Variants in AIG1 observed in about 807,000 individuals in gnomAD.
The protein encoded by AIG1 is androgen-induced gene 1 protein.
A neutral mutation model predicts 31.4 loss-of-function variants in AIG1; 23 were observed. The observed-to-expected ratio is 0.73, with a 90% CI of 0.53 to 1.04. AIG1 has a LOEUF of 1.04. Among genes scored for constraint, AIG1 ranks in the 50% least tolerant of loss-of-function variants. The probability of loss-of-function intolerance (pLI) is 0.00; values close to 1 mark genes in which losing one functional copy is unlikely to be tolerated. For synonymous variants in AIG1, 100 were observed against 110.5 expected, an observed-to-expected ratio of 0.90 and a Z score of 0.60; for missense variants, 274 against 295.0, an observed-to-expected ratio of 0.93 and a Z score of 0.52.
At chr6:143,071,681 C>G (rs899542848) in intron 1 of AIG1, among the ~76,000 whole-genome samples, 2 of 150,782 alleles carry the variant, frequency 1.3e-5, no homozygotes, top group Non-Finnish European at 3.0e-5. Context: ...AGTGGTGGTT[C>G]TTTTTTTGTT....
chr6:143,176,073 T>C (rs1395167707), intron 3 of AIG1, among the ~76,000 whole-genome samples: 1 of 152,210 alleles, frequency 6.6e-6, no homozygotes, highest in Non-Finnish European at 1.5e-5. Context: ...GATTGTTATT[T>C]ATCTTCTGGA....
chr6:143,074,761 A>G (rs901394630), intron 1 of AIG1, among the ~76,000 whole-genome samples: 2 of 152,136 alleles, frequency 1.3e-5, no homozygotes, highest in Non-Finnish European at 2.9e-5. Flanking sequence ...GCTGGATTTA[A>G]TTTGCTAATA....
At chr6:143,162,798 G>T (rs544752119) in intron 2 of AIG1, among the ~76,000 whole-genome samples, 1 of 152,258 alleles carries the variant, frequency 6.6e-6, no homozygotes, top group East Asian at 1.9e-4. Flanking sequence ...GGGTCAGACT[G>T]GGGGAGGAGG....
rs756372275 is a variant in AIG1, at chr6:143,189,969, G to A, written c.399+24786G>A. 2.2e-4 allele frequency: 109 copies of A among 499,966 alleles called. 1 individual carries two copies. The highest frequency in any genetic ancestry group is 2.6e-4 in the Non-Finnish European group (100 of 386,894). The allele number at this position is 499,966 out of a possible 1,614,324, so 31.0% of individuals were successfully genotyped here. ...GGGTTCTGATGAGGATCCTCTTCCA[G>A]ATTACAGACTTCCAGCTTCTTGCTG... On this transcript the variant is annotated intron_variant, in intron 3 of 5. Coordinates refer to ENST00000357847, the MANE Select transcript of AIG1 (RefSeq NM_016108.4).
At position 143,338,950 on chromosome 6, in the gene AIG1, A is replaced by G. The variant is rs546663595; in HGVS notation, c.680-689A>G. On this transcript the variant is annotated intron_variant, in intron 5 of 5. Coordinates refer to ENST00000357847, the MANE Select transcript of AIG1 (RefSeq NM_016108.4). The surrounding 1 kb of genome is among the most constrained non-coding windows in gnomAD (Gnocchi z 4.3). ...ACTATAATTCCTAAAAATGATGAAC[A>G]TTTTCATCTTCAGGAACATGAAACA... The G allele has an allele frequency of 6.6e-6, 1 of 152,250 alleles. No individual in the cohort carries two copies. Among genetic ancestry groups the G allele is most frequent in the South Asian group, 2.1e-4 (1 of 4,812 alleles). The allele number at this position is 152,250 out of a possible 1,614,324, so 9.4% of individuals were successfully genotyped here.
chr6:143,089,735 A>G (rs1779131852), intron 1 of AIG1, among the ~76,000 whole-genome samples: 1 of 152,110 alleles, frequency 6.6e-6, no homozygotes, highest in African/African-American at 2.4e-5. Context: ...CAAGAGAGAG[A>G]GGAGAGGTGC....
At chr6:143,332,902 G>A (rs1463855971) in intron 4 of AIG1, among the ~76,000 whole-genome samples, 1 of 152,124 alleles carries the variant, frequency 6.6e-6, no homozygotes, top group Non-Finnish European at 1.5e-5. Flanking sequence ...ATGGGGTCCT[G>A]GATTGGATCC....
chr6:143,102,757 A>G (rs1012690881), intron 1 of AIG1, among the ~76,000 whole-genome samples: 6 of 151,962 alleles, frequency 3.9e-5, no homozygotes, highest in African/African-American at 1.4e-4. Flanking sequence ...TAATAAAATT[A>G]AAAAGTTAGT....
rs74883597 is a variant in AIG1 at position 143,198,252 on chromosome 6, A to G, written c.399+33069A>G. 1.8e-3 allele frequency among the ~76,000 whole-genome samples: 280 copies of G among 152,296 alleles called. 2 individuals carry two copies. In the East Asian group the frequency reaches 0.024, roughly 13 times the overall value. On this transcript the variant is annotated intron_variant, in intron 3 of 5. Coordinates refer to ENST00000357847, the MANE Select transcript of AIG1 (RefSeq NM_016108.4). ...GTCATATACTTTAAATAACTTCTTC[A>G]TAGCTAGGAGGTGGCGAGGGAAAAT...
intron 3 of AIG1, among the ~76,000 whole-genome samples, chr6:143,184,474 C>T (rs1052421434): frequency 1.3e-5 from 2 of 152,212 alleles, no homozygotes; most frequent in African/African-American, 2.4e-5. Context: ...GCTAACCCCT[C>T]CTTTAAATCT....
At chr6:143,304,022 CTGTT>C (rs1424302099) in intron 4 of AIG1, among the ~76,000 whole-genome samples, 3 of 146,550 alleles carry the variant, frequency 2.0e-5, no homozygotes, top group African/African-American at 7.4e-5. Context: ...ATTTGGCTCT[CTGTT>C]TGTCTGTTAT....
At chr6:143,109,394 C>G (rs545002783) in intron 1 of AIG1, among the ~76,000 whole-genome samples, 15 of 152,286 alleles carry the variant, frequency 9.8e-5, no homozygotes, top group South Asian at 4.1e-4. Flanking sequence ...AAGAGACTTA[C>G]TGGGTTATAG....
rs116172079 is a variant in AIG1 at position 143,115,707 on chromosome 6, G to A, written c.142-21128G>A. ...TCTGCATGAGAAGCACCAAGCAAAG[G>A]TCTTGGCACATAGTAAGCACCTGTA... is the stretch of plus-strand genomic sequence containing the variant. On this transcript the variant is annotated intron_variant, in intron 1 of 5. Transcript: ENST00000357847. Among the ~76,000 whole-genome samples, 1,118 of 152,284 alleles carry A rather than the reference G, an allele frequency of 7.3e-3. 12 individuals carry two copies. Among genetic ancestry groups the A allele is most frequent in the African/African-American group, 0.023 (950 of 41,546 alleles).
downstream of AIG1, chr6:143,342,401 G>A: frequency 1.4e-6 from 1 of 716,430 alleles, no homozygotes; most frequent in Non-Finnish European, 2.6e-6. Context: ...AAAAAATGTG[G>A]TTCAGAAAAG....
intron 5 of AIG1, chr6:143,335,078 G>A: frequency 1.4e-6 from 2 of 1,455,806 alleles, no homozygotes; most frequent in Non-Finnish European, 1.8e-6. Context: ...ATGTACCTAG[G>A]ACCATCTAGT....
intron 1 of AIG1, among the ~76,000 whole-genome samples, chr6:143,102,575 A>C (rs1780394578): frequency 6.8e-6 from 1 of 147,956 alleles, no homozygotes; most frequent in African/African-American, 2.5e-5. Context: ...ATAAATATAT[A>C]TAATATAATA....
intron 1 of AIG1, among the ~76,000 whole-genome samples, chr6:143,061,853 C>T (rs961557540): frequency 6.6e-6 from 1 of 152,234 alleles, no homozygotes; most frequent in South Asian, 2.1e-4. Context: ...TTCAACCTCC[C>T]TGGAGAACAG....
chr6:143,162,008 T>A (rs1365428884), intron 2 of AIG1, among the ~76,000 whole-genome samples: 1 of 152,230 alleles, frequency 6.6e-6, no homozygotes, highest in African/African-American at 2.4e-5. Flanking sequence ...CTGTCTTTAT[T>A]TGCAGATCGT....
At chr6:143,342,100 C>T (rs182292738), downstream of AIG1, 495 of 420,014 alleles carry the variant, frequency 1.2e-3, 2 homozygotes, top group African/African-American at 9.4e-3. Context: ...TAATTTTGTA[C>T]TTTTCGTAGA....
Sources: allele counts gnomAD v4.1 joint callset (sites outside exome capture counted in the v4.1 genomes callset), GRCh38; gene constraint gnomAD v4.1.1; non-coding constraint Gnocchi (gnomAD v3.1); transcripts MANE v1.5; gene names NCBI Gene and HGNC (gene_info 2026-07-23, HGNC 2026-07-21).